LRRIQ1: variants seen among roughly 807,000 people sequenced by gnomAD.
The protein encoded by LRRIQ1 is leucine rich repeats and IQ motif containing 1, also known as leucine-rich repeat- and IQ domain-containing protein 1.
A neutral mutation model predicts 211.9 loss-of-function variants in LRRIQ1; 210 were observed. The ratio of observed to expected loss-of-function variants is 0.99; its 90% CI spans 0.89 to 1.11. The LOEUF (loss-of-function observed/expected upper bound fraction) is 1.11. Ranked by LOEUF, LRRIQ1 falls within the 50% of genes most tolerant of loss-of-function variation. The pLI, the probability that LRRIQ1 is intolerant of heterozygous loss-of-function variation, is 0.00. For missense variants in LRRIQ1, 2,136 were observed against 1,939.5 expected, an observed-to-expected ratio of 1.10 and a Z score of -1.90; for synonymous variants, 699 against 650.1, an observed-to-expected ratio of 1.08 and a Z score of -1.14.
chr12:85,191,655 C>A (rs1447647892), intron 24 of LRRIQ1, among the ~76,000 whole-genome samples: 1 of 151,926 alleles, frequency 6.6e-6, no homozygotes, highest in African/African-American at 2.4e-5. Context: ...TGTGAGTGCA[C>A]ACATTTTCAA....
chr12:85,152,315 C>T lies in LRRIQ1; in HGVS notation c.4365C>T (p.Ser1455=), dbSNP rs1205301087. The T allele has an allele frequency of 3.1e-6, 5 of 1,611,142 alleles. No individual in the cohort carries two copies. In the Admixed American group the frequency reaches 8.4e-5, roughly 27 times the overall value. The change falls in exon 20 of 27, where the codon TCC becomes TCT. Residue 1455 remains serine, a synonymous_variant. Transcript: ENST00000393217. ...AAGAAGAATGGCTAGCATTAGATTC[C>T]ACCCGCTTCCCTTCACAAACACTGC... The part of the protein sequence containing the change: ...ALEEEWLALD[S]TRFPSQTLLL...
chr12:85,081,518 G>A (rs1227697972), intron 11 of LRRIQ1, among the ~76,000 whole-genome samples: 5 of 150,696 alleles, frequency 3.3e-5, no homozygotes, highest in Non-Finnish European at 7.4e-5. Context: ...TAATTTAATG[G>A]TTACTGCAGA....
chr12:85,066,827 C>A lies in LRRIQ1; in HGVS notation c.2624C>A (p.Ser875Tyr). Residue 875 changes from serine to tyrosine, a missense_variant, in exon 10 of 27, where the codon TCT (serine) becomes TAT (tyrosine). By Grantham distance (144) the Ser-to-Tyr change is moderately radical. Coordinates refer to ENST00000393217, the MANE Select transcript of LRRIQ1 (RefSeq NM_001079910.2). ...CTTCTTAATAAAAATCAACTGACTT[C>A]TCTTCATGGTTTGGATGGCTGTACT... ...VVLLNKNQLT[S>Y]LHGLDGCTNI... The A allele has an allele frequency of 6.3e-7, 1 of 1,594,932 alleles. No homozygotes were observed. Among genetic ancestry groups the A allele is most frequent in the Non-Finnish European group, 8.6e-7 (1 of 1,168,118 alleles).
intron 25 of LRRIQ1, among the ~76,000 whole-genome samples, chr12:85,231,532 A>C (rs892320739): frequency 2.0e-5 from 3 of 152,160 alleles, no homozygotes; most frequent in Admixed American, 2.0e-4. Flanking sequence ...TTAATTAAAA[A>C]AAGAGGTTTA....
chr12:85,187,604 C>T (rs1007390793), intron 24 of LRRIQ1, among the ~76,000 whole-genome samples: 1 of 151,756 alleles, frequency 6.6e-6, no homozygotes, highest in East Asian at 1.9e-4. Flanking sequence ...GTCAGGAGTT[C>T]GAGACCAGCT....
chr12:85,094,761 C>G (rs983037953), intron 11 of LRRIQ1, among the ~76,000 whole-genome samples: 2 of 151,924 alleles, frequency 1.3e-5, no homozygotes, highest in Non-Finnish European at 1.5e-5. Context: ...GAATGTTTTT[C>G]CATTGTATTA....
At chr12:85,230,648 A>G (rs564537557) in intron 25 of LRRIQ1, among the ~76,000 whole-genome samples, 92 of 152,326 alleles carry the variant, frequency 6.0e-4, no homozygotes, top group Middle Eastern at 3.4e-3. Context: ...CCAAAGATTT[A>G]AGGAAATAAA....
At position 85,073,010 on chromosome 12, in the gene LRRIQ1, A is replaced by G. The variant is rs966915736; in HGVS notation, c.2799A>G (p.Pro933=). 2 of 1,612,884 alleles carry G rather than the reference A, an allele frequency of 1.2e-6. No individual in the cohort carries two copies. Among genetic ancestry groups the G allele is most frequent in the African/African-American group, 2.7e-5 (2 of 74,890 alleles). ...SYLSLAQVWI[P]TGLCWSWIPI... ...TATCCCTGGCACAAGTCTGGATTCC[A>G]ACTGGATTATGTTGGTCCTGGATAC... The change falls in exon 11 of 27, where the codon CCA becomes CCG. Residue 933 remains proline, a synonymous_variant. Coordinates refer to ENST00000393217, the MANE Select transcript of LRRIQ1 (RefSeq NM_001079910.2).
chr12:85,039,228 A>G (rs1878562769), intron 2 of LRRIQ1, among the ~76,000 whole-genome samples: 1 of 151,232 alleles, frequency 6.6e-6, no homozygotes, highest in South Asian at 2.1e-4. Context: ...GAAGAAGAAA[A>G]TTTTAAAGCC....
In LRRIQ1 at chr12:85,181,807, C is replaced by T. The variant is rs116916059; in HGVS notation, c.4822+21093C>T. 1.2e-4 allele frequency among the ~76,000 whole-genome samples: 18 copies of T among 152,040 alleles called. No homozygotes were observed. The East Asian group carries it at 2.5e-3, about 21-fold the overall frequency. On this transcript the variant is annotated intron_variant, in intron 24 of 26. Coordinates refer to ENST00000393217, the MANE Select transcript of LRRIQ1 (RefSeq NM_001079910.2). ...ATATTTCCATCTGATGAAATGAGTA[C>T]TTATTCTTGGCAGGAAAAGTTAAAT... is the stretch of plus-strand genomic sequence containing the variant.
chr12:85,118,295 A>G (rs776440026), intron 15 of LRRIQ1, among the ~76,000 whole-genome samples: 1 of 152,178 alleles, frequency 6.6e-6, no homozygotes, highest in African/African-American at 2.4e-5. Flanking sequence ...ACTTGATCAA[A>G]CTATTTATTA....
At chr12:85,143,815 C>T (rs1889704087) in intron 19 of LRRIQ1, among the ~76,000 whole-genome samples, 1 of 151,550 alleles carries the variant, frequency 6.6e-6, no homozygotes, top group African/African-American at 2.4e-5. Context: ...ACCTGGATCA[C>T]TTGCAGATAT....
At chr12:85,063,484 A>C (rs890192086) in intron 8 of LRRIQ1, among the ~76,000 whole-genome samples, 3 of 151,672 alleles carry the variant, frequency 2.0e-5, no homozygotes, top group Non-Finnish European at 4.4e-5. Context: ...TAATAATCAC[A>C]TTATAGTAGA....
chr12:85,138,014 T>A, intron 19 of LRRIQ1, 45 bp downstream of exon 19: 1 of 1,077,100 alleles, frequency 9.3e-7, no homozygotes, highest in Non-Finnish European at 1.3e-6. Flanking sequence ...TAAAATACAT[T>A]AAGTGTACTA....
chr12:85,120,860 A>G (rs1887926227), intron 15 of LRRIQ1, among the ~76,000 whole-genome samples: 1 of 152,234 alleles, frequency 6.6e-6, no homozygotes, highest in Non-Finnish European at 1.5e-5. Context: ...TTCGGCTAGT[A>G]GTTCTAAATG....
downstream of LRRIQ1, among the ~76,000 whole-genome samples, chr12:85,249,867 C>T (rs1005062901): frequency 2.0e-5 from 3 of 151,794 alleles, no homozygotes; most frequent in Non-Finnish European, 2.9e-5. Flanking sequence ...GGAATTTAAT[C>T]GACATGAAGA....
chr12:85,079,051 T>C (rs1451005187), intron 11 of LRRIQ1, among the ~76,000 whole-genome samples: 1 of 152,096 alleles, frequency 6.6e-6, no homozygotes, highest in Non-Finnish European at 1.5e-5. Context: ...TTTGCTATAA[T>C]ATCACAAGTC....
chr12:85,166,972 G>T (rs1355670474), intron 24 of LRRIQ1, among the ~76,000 whole-genome samples: 1 of 152,124 alleles, frequency 6.6e-6, no homozygotes, highest in Non-Finnish European at 1.5e-5. Context: ...GTTAATAAAT[G>T]TTTTTTGATG....
At chr12:85,086,550 T>C (rs1405740174) in intron 11 of LRRIQ1, among the ~76,000 whole-genome samples, 2 of 152,110 alleles carry the variant, frequency 1.3e-5, no homozygotes, top group Non-Finnish European at 2.9e-5. Flanking sequence ...CTGTAAAGCC[T>C]GGAGAATATG....
Sources: gnomAD v4.1 joint callset for allele counts (sites outside exome capture counted in the v4.1 genomes callset) on GRCh38, gnomAD v4.1.1 for gene constraint, MANE v1.5 for transcripts, NCBI Gene and HGNC (gene_info 2026-07-23, HGNC 2026-07-21) for gene names.